The following ZBTB20 variants were observed in gnomAD, a reference collection of about 807,000 sequenced individuals.
ZBTB20 encodes the protein zinc finger and BTB domain containing 20.
A neutral mutation model predicts 56.9 loss-of-function variants in ZBTB20; 9 were observed. The observed-to-expected ratio is 0.16, with a 90% CI of 0.10 to 0.28. ZBTB20 has a LOEUF of 0.28. ZBTB20 is among the 10% of genes least tolerant of loss of function. The probability of loss-of-function intolerance (pLI) is 1.00; values close to 1 mark genes in which losing one functional copy is unlikely to be tolerated. For missense variants in ZBTB20, 655 were observed against 1,003.0 expected (o/e 0.65, Z 4.69); for synonymous variants, 417 against 420.7 (o/e 0.99, Z 0.11).
intron 1 of ZBTB20, among the ~76,000 whole-genome samples, chr3:115,083,533 TAA>T (rs1235351167): frequency 4.6e-5 from 7 of 152,028 alleles, no homozygotes; most frequent in African/African-American, 1.7e-4. Flanking sequence ...AACTTAAACC[TAA>T]GAGTATTATA....
At chr3:115,098,646 T>G (rs2083467035) in intron 1 of ZBTB20, among the ~76,000 whole-genome samples, 1 of 152,162 alleles carries the variant, frequency 6.6e-6, no homozygotes. Context: ...AATTAATTTT[T>G]TAAAAGAAGA....
chr3:114,783,314 G>A (rs2070250515), intron 5 of ZBTB20, among the ~76,000 whole-genome samples: 2 of 152,118 alleles, frequency 1.3e-5, no homozygotes, highest in Admixed American at 6.5e-5. Context: ...TTCTGATTTG[G>A]TCTTGTTTAC....
chr3:114,339,021 T>G lies in ZBTB20; in HGVS notation c.2210A>C (p.His737Pro). ...IEQFNDHMRM[H>P]VSDG ...AGATACTACTTATCCGTCAGACACA[T>G]GCATCCTCATGTGGTCGTTGAACTG... The change falls in exon 12 of 12, where the codon CAT (histidine) becomes CCT (proline). Residue 737 changes from histidine (H) to proline (P), a missense_variant. Transcript: ENST00000675478. This position sits in a 1 kb window ranked among gnomAD's most constrained non-coding sequence, Gnocchi z 4.2. The G allele has an allele frequency of 6.6e-7, 1 of 1,513,886 alleles. No individual in the cohort carries two copies. The highest frequency in any genetic ancestry group is 2.3e-5 in the East Asian group (1 of 43,870). 93.8% of individuals were successfully genotyped at this position (1,513,886 alleles called of 1,614,324 possible). A position where few individuals can be genotyped will look rare whatever the true frequency, so the allele number is the denominator to read the frequency against.
intron 4 of ZBTB20, among the ~76,000 whole-genome samples, chr3:114,841,746 T>C (rs1404675643): frequency 1.3e-5 from 2 of 152,164 alleles, no homozygotes; most frequent in Admixed American, 6.5e-5. Flanking sequence ...ATGAGGTGTC[T>C]GTGAGTCATC....
intron 1 of ZBTB20, among the ~76,000 whole-genome samples, chr3:115,139,491 C>T (rs1027693130): frequency 2.0e-5 from 3 of 151,928 alleles, no homozygotes; most frequent in African/African-American, 7.2e-5. Flanking sequence ...TCTTTGCCTA[C>T]CTTATCTTCC....
chr3:114,618,224 A>G (rs1322528393), intron 6 of ZBTB20, among the ~76,000 whole-genome samples: 1 of 147,990 alleles, frequency 6.8e-6, no homozygotes, highest in East Asian at 2.0e-4. Context: ...TAGGGATTCA[A>G]AAATGTTTCT....
chr3:114,598,490 A>G (rs767156361), intron 6 of ZBTB20, among the ~76,000 whole-genome samples: 17 of 152,018 alleles, frequency 1.1e-4, no homozygotes, highest in East Asian at 1.9e-4. Context: ...GAAAATTAGT[A>G]TACATATATA....
intron 3 of ZBTB20, among the ~76,000 whole-genome samples, chr3:114,923,274 T>G (rs966667343): frequency 6.6e-6 from 1 of 152,188 alleles, no homozygotes; most frequent in African/African-American, 2.4e-5. Flanking sequence ...CATAGCAATC[T>G]TGAAAAGGAA....
At chr3:114,757,871 C>T (rs1560215239) in intron 5 of ZBTB20, among the ~76,000 whole-genome samples, 2 of 151,966 alleles carry the variant, frequency 1.3e-5, no homozygotes, top group Admixed American at 6.6e-5. Flanking sequence ...TGATTAATTT[C>T]TGTGTGATTA....
At chr3:114,738,550 T>C (rs1409967986) in intron 5 of ZBTB20, among the ~76,000 whole-genome samples, 1 of 152,078 alleles carries the variant, frequency 6.6e-6, no homozygotes, top group African/African-American at 2.4e-5. Flanking sequence ...TTTAGAGAGG[T>C]TAGGTCAAAT....
chr3:115,144,787 T>C (rs1338501851), intron 1 of ZBTB20: 1 of 152,230 alleles, frequency 6.6e-6, no homozygotes, highest in Non-Finnish European at 1.5e-5. Flanking sequence ...GATACTTTCT[T>C]TAGCTTGTTA....
intron 1 of ZBTB20, chr3:115,102,942 G>T (rs191076054): frequency 2.6e-5 from 4 of 151,672 alleles, no homozygotes; most frequent in Non-Finnish European, 4.4e-5. Flanking sequence ...TCTAGCCTTG[G>T]CAACAGAGCA....
At chr3:114,366,200 C>T (rs183068693) in intron 10 of ZBTB20, among the ~76,000 whole-genome samples, 30 of 152,274 alleles carry the variant, frequency 2.0e-4, no homozygotes, top group African/African-American at 6.7e-4. Context: ...TAGAATTTTA[C>T]TTGAGAAAAA....
intron 4 of ZBTB20, among the ~76,000 whole-genome samples, chr3:114,840,202 T>C (rs2074323265): frequency 6.6e-6 from 1 of 150,616 alleles, no homozygotes. Flanking sequence ...ATGGTAAGTT[T>C]CCCTTGCAGG....
intron 3 of ZBTB20, among the ~76,000 whole-genome samples, chr3:114,932,533 T>C (rs974645427): frequency 7.2e-5 from 11 of 152,236 alleles, no homozygotes; most frequent in Admixed American, 6.5e-4. Context: ...CAATTTCTTT[T>C]ACATTGTCTT....
chr3:115,104,066 G>A (rs1219321562), intron 1 of ZBTB20, among the ~76,000 whole-genome samples: 1 of 152,148 alleles, frequency 6.6e-6, no homozygotes, highest in Non-Finnish European at 1.5e-5. Flanking sequence ...CACCAAAGAA[G>A]ATATACAGAT....
At chr3:115,112,314 C>CT (rs367812776) in intron 1 of ZBTB20, among the ~76,000 whole-genome samples, 98 of 150,830 alleles carry the variant, frequency 6.5e-4, no homozygotes, top group East Asian at 2.5e-3. Flanking sequence ...ATGTGGTTTT[C>CT]TTTTTTTTTG....
chr3:114,748,049 T>C (rs2067199944), intron 5 of ZBTB20, among the ~76,000 whole-genome samples: 1 of 152,002 alleles, frequency 6.6e-6, no homozygotes, highest in African/African-American at 2.4e-5. Flanking sequence ...CTGCTTTAAA[T>C]TTAAAGTAAT....
At chr3:114,401,540 G>GT (rs2086828386) in intron 7 of ZBTB20, among the ~76,000 whole-genome samples, 1 of 152,112 alleles carries the variant, frequency 6.6e-6, no homozygotes, top group African/African-American at 2.4e-5. Flanking sequence ...ATTCCAGAGA[G>GT]TGAAAGGCAA....
Sources: allele counts gnomAD v4.1 joint callset (sites outside exome capture counted in the v4.1 genomes callset), GRCh38; gene constraint gnomAD v4.1.1; non-coding constraint Gnocchi (gnomAD v3.1); transcripts MANE v1.5; gene names NCBI Gene and HGNC (gene_info 2026-07-23, HGNC 2026-07-21).